B3GNT3: variants seen among roughly 807,000 people sequenced by gnomAD.
The protein encoded by B3GNT3 is N-acetyllactosaminide beta-1,3-N-acetylglucosaminyltransferase 3.
B3GNT3 carries 7 observed loss-of-function variants against 11.6 expected under a neutral mutation model. The observed-to-expected ratio is 0.60, with a 90% CI of 0.34 to 1.13. The LOEUF (loss-of-function observed/expected upper bound fraction) is 1.13, where lower values mean the gene tolerates loss of function less well. Ranked by LOEUF, B3GNT3 falls within the 50% of genes most tolerant of loss-of-function variation. The pLI is 0.03. For missense variants in B3GNT3, 400 were observed against 507.4 expected, an observed-to-expected ratio of 0.79 and a Z score of 2.03; for synonymous variants, 201 against 222.1, an observed-to-expected ratio of 0.90 and a Z score of 0.85.
chr19:17,807,655 AT>A, intron 1 of B3GNT3, 102 bp from the exon 2 acceptor site: 1 of 709,550 alleles, frequency 1.4e-6, no homozygotes. Flanking sequence ...GAATTTCAAT[AT>A]TTTGCCAACC....
At chr19:17,805,269 T>C (rs2094171744) in intron 1 of B3GNT3, among the ~76,000 whole-genome samples, 1 of 151,904 alleles carries the variant, frequency 6.6e-6, no homozygotes, top group African/African-American at 2.4e-5. Context: ...CGGCTAACTT[T>C]TGTATTTTGG....
chr19:17,804,699 C>A (rs1309884437), intron 1 of B3GNT3, among the ~76,000 whole-genome samples: 1 of 151,380 alleles, frequency 6.6e-6, no homozygotes, highest in East Asian at 1.9e-4. Context: ...CATGAGCCAC[C>A]ACGCCCTGCT....
rs577190184 is a variant in B3GNT3 at position 17,808,400 on chromosome 19, C to T, written c.567+26C>T. 1.4e-4 allele frequency: 224 copies of T among 1,567,774 alleles called. No individual in the cohort carries two copies. In the South Asian group the frequency reaches 2.5e-3, roughly 17 times the overall value. ...GTGCGCTGGACTGGGGTCACCTGAT[C>T]GGGGCCACCTGTCCTTCTTGTCCAA... On this transcript the variant is annotated intron_variant, in intron 2 of 2. Transcript: ENST00000318683.
chr19:17,806,944 GA>G (rs374487355), intron 1 of B3GNT3, among the ~76,000 whole-genome samples: 24,956 of 79,524 alleles, frequency 0.31, 2,828 homozygotes, highest in African/African-American at 0.43. Context: ...TCCATCTCAA[GA>G]AAAAAAAAAA....
chr19:17,808,983 C>T (rs377425416), intron 2 of B3GNT3, among the ~76,000 whole-genome samples: 46 of 152,172 alleles, frequency 3.0e-4, no homozygotes, highest in African/African-American at 1.0e-3. Flanking sequence ...ATTACAGGCA[C>T]TCACCATGCC....
chr19:17,811,548 T>G lies in B3GNT3; in HGVS notation c.568-23T>G. 2.5e-6 allele frequency: 4 copies of G among 1,594,116 alleles called. No individual in the cohort carries two copies. The highest frequency in any genetic ancestry group is 3.4e-6 in the Non-Finnish European group (4 of 1,168,862). On this transcript the variant is annotated intron_variant, in intron 2 of 2. Coordinates refer to ENST00000318683, the MANE Select transcript of B3GNT3 (RefSeq NM_014256.4). The surrounding 1 kb of genome is among the most constrained non-coding windows in gnomAD (Gnocchi z 4.1). ...AATTTCTCCAGCCCTCAAGCAAGCA[T>G]GCCCTGTCCACCCTGCCTGCAGGTC...
In B3GNT3 at chr19:17,811,641, T is replaced by A. The variant is rs1274314986; in HGVS notation, c.638T>A (p.Val213Asp). ...TTCGTGCTCAACGGGGATGATGACG[T>A]CTTTGCACACACAGACAACATGGTC... ...ASFVLNGDDD[V>D]FAHTDNMVFY... Residue 213 changes from valine (V) to aspartate (D), a missense_variant, in exon 3 of 3, where the codon GTC (valine) becomes GAC (aspartate). By Grantham distance (152) the Val-to-Asp change is radical. Transcript: ENST00000318683. The surrounding 1 kb of genome is among the most constrained non-coding windows in gnomAD (Gnocchi z 4.1). 6.2e-7 allele frequency: 1 copy of A among 1,614,018 alleles called. No homozygotes were observed.
In B3GNT3 at chr19:17,811,651, C is replaced by G. The variant is rs1345685710; in HGVS notation, c.648C>G (p.His216Gln). 1.9e-6 allele frequency: 3 copies of G among 1,614,132 alleles called. No homozygotes were observed. The highest frequency in any genetic ancestry group is 2.5e-6 in the Non-Finnish European group (3 of 1,180,058). ...VLNGDDDVFA[H>Q]TDNMVFYLQD... ...ACGGGGATGATGACGTCTTTGCACA[C>G]ACAGACAACATGGTCTTCTACCTGC... Residue 216 changes from histidine to glutamine, a missense_variant, in exon 3 of 3, where the codon CAC (histidine) becomes CAG (glutamine). His to Gln is a conservative substitution (Grantham distance 24). Transcript: ENST00000318683. The surrounding 1 kb of genome is among the most constrained non-coding windows in gnomAD (Gnocchi z 4.1).
chr19:17,809,440 G>GT (rs1222052944), intron 2 of B3GNT3, among the ~76,000 whole-genome samples: 1 of 150,734 alleles, frequency 6.6e-6, no homozygotes, highest in Non-Finnish European at 1.5e-5. Context: ...TAATTTTTAT[G>GT]TTTTTTTAAT....
chr19:17,807,173 T>C (rs1412963965), intron 1 of B3GNT3, among the ~76,000 whole-genome samples: 1 of 118,502 alleles, frequency 8.4e-6, no homozygotes, highest in Non-Finnish European at 1.9e-5. Context: ...AGCACCCCCA[T>C]GTCCTAATAA....
At chr19:17,796,524 A>C (rs184133532) in intron 1 of B3GNT3, among the ~76,000 whole-genome samples, 2 of 152,298 alleles carry the variant, frequency 1.3e-5, no homozygotes, top group Admixed American at 6.5e-5. Context: ...GTCTGGGGCC[A>C]GCCCTGGGGG....
At chr19:17,797,822 A>AT (rs112593297) in intron 1 of B3GNT3, among the ~76,000 whole-genome samples, 24,276 of 152,038 alleles carry the variant, frequency 0.16, 2,219 homozygotes, top group Non-Finnish European at 0.21. Context: ...TTACTGGGCT[A>AT]TTTCTTCTTC....
intron 1 of B3GNT3, among the ~76,000 whole-genome samples, chr19:17,805,588 C>T (rs1195975251): frequency 6.6e-6 from 1 of 152,168 alleles, no homozygotes; most frequent in East Asian, 1.9e-4. Context: ...CCAACCACGT[C>T]AGCCTCCTCG....
chr19:17,807,682 G>A, intron 1 of B3GNT3, 76 bp from the exon 2 acceptor site: 1 of 914,616 alleles, frequency 1.1e-6, no homozygotes, highest in Non-Finnish European at 1.6e-6. Flanking sequence ...AACTGTACAG[G>A]TGCAACCAGA....
chr19:17,807,382 C>T (rs1294554294), intron 1 of B3GNT3, among the ~76,000 whole-genome samples: 2 of 151,526 alleles, frequency 1.3e-5, no homozygotes, highest in African/African-American at 2.4e-5. Context: ...ATCCCAGCTA[C>T]TCAGGAGGCT....
chr19:17,802,335 G>T (rs1253704935), intron 1 of B3GNT3, among the ~76,000 whole-genome samples: 1 of 152,216 alleles, frequency 6.6e-6, no homozygotes, highest in Non-Finnish European at 1.5e-5. Flanking sequence ...GGGCGAGGCT[G>T]CAGTGAGATA....
intron 1 of B3GNT3, among the ~76,000 whole-genome samples, chr19:17,806,904 A>G (rs1331647986): frequency 1.4e-5 from 2 of 145,866 alleles, no homozygotes; most frequent in African/African-American, 2.5e-5. Context: ...GTGAGCCGAG[A>G]TTGTGCCACT....
Position 17,808,177 on chromosome 19 carries a change from G to A in B3GNT3, c.370G>A (p.Glu124Lys). 5.6e-6 allele frequency: 9 copies of A among 1,610,722 alleles called. No homozygotes were observed. The highest frequency in any genetic ancestry group is 5.9e-6 in the Non-Finnish European group (7 of 1,178,194). Residue 124 changes from glutamate to lysine, a missense_variant, in exon 2 of 3, where the codon GAG becomes AAG. Physicochemically the swap from Glu to Lys is moderately conservative, Grantham distance 56. Transcript: ENST00000318683. ...CTCCCCTAGCAACTATGTGCGCCGC[G>A]AGCTGCTGCGGCGCACGTGGGGCCG... ...KSSPSNYVRR[E>K]LLRRTWGRER... is the part of the protein sequence containing the mutation.
chr19:17,807,983 C>T lies in B3GNT3; in HGVS notation c.176C>T (p.Ala59Val), dbSNP rs747006158. The part of the protein sequence containing the change: ...WPTPPTRPAP[A>V]PCHANTSMVT... ...ACTCCACCCACCCGCCCAGCCCCGG[C>T]CCCGTGCCATGCCAACACCTCTATG... Residue 59 changes from alanine to valine, a missense_variant, in exon 2 of 3, where the codon GCC (alanine) becomes GTC (valine). By Grantham distance (64) the Ala-to-Val change is moderately conservative. Coordinates refer to ENST00000318683, the MANE Select transcript of B3GNT3 (RefSeq NM_014256.4). 38 of 1,606,184 alleles carry T rather than the reference C, an allele frequency of 2.4e-5. No individual in the cohort carries two copies. The highest frequency in any genetic ancestry group is 2.8e-5 in the Non-Finnish European group (33 of 1,177,722).
Sources: gnomAD v4.1 joint callset for allele counts (sites outside exome capture counted in the v4.1 genomes callset) on GRCh38, gnomAD v4.1.1 for gene constraint, Gnocchi (gnomAD v3.1) non-coding constraint, MANE v1.5 for transcripts, NCBI Gene and HGNC (gene_info 2026-07-23, HGNC 2026-07-21) for gene names.